Variants in ATPAF2 observed in about 807,000 individuals in gnomAD.
ATPAF2 encodes the protein ATP12 homolog.
Under a neutral mutation model 36.6 loss-of-function variants are expected in ATPAF2, and 30 were observed. The observed-to-expected ratio is 0.82, with a 90% CI of 0.61 to 1.11. ATPAF2 has a LOEUF of 1.11. ATPAF2 is among the 50% of genes most tolerant of loss of function. The pLI, the probability that ATPAF2 is intolerant of heterozygous loss-of-function variation, is 0.00. For missense variants in ATPAF2, 321 were observed against 372.3 expected, an observed-to-expected ratio of 0.86 and a Z score of 1.13; for synonymous variants, 140 against 152.6, an observed-to-expected ratio of 0.92 and a Z score of 0.61.
In ATPAF2 at chr17:18,028,383, A is replaced by C; in HGVS notation, c.179-6T>G. On this transcript the variant is annotated splice_polypyrimidine_tract_variant and splice_region_variant and intron_variant, in intron 2 of 7. Coordinates refer to ENST00000474627, the MANE Select transcript of ATPAF2 (RefSeq NM_145691.4). The stretch of plus-strand genomic sequence containing the variant: ...CAGGTTTATCTCAAAGCCACCTTGA[A>C]AGATCAAATGAAAAACTCTCAGGGA... 2 of 1,613,854 alleles carry C rather than the reference A, an allele frequency of 1.2e-6. No individual in the cohort carries two copies. Among genetic ancestry groups the C allele is most frequent in the Non-Finnish European group, 1.7e-6 (2 of 1,179,878 alleles).
Position 18,021,114 on chromosome 17 carries a change from G to C in ATPAF2, c.732+9C>G. 1 of 1,610,304 alleles carries C rather than the reference G, an allele frequency of 6.2e-7. No individual in the cohort carries two copies. The highest frequency in any genetic ancestry group is 8.5e-7 in the Non-Finnish European group (1 of 1,178,340). ...AGGGGGAGGCGGGACCTGAGGTGCT[G>C]CTCCTCACCTGGTACTCCTCCTCCA... is the stretch of plus-strand genomic sequence containing the variant. On this transcript the variant is annotated intron_variant, in intron 7 of 7. Transcript: ENST00000474627.
intron 4 of ATPAF2, chr17:18,026,034 AG>A: frequency 1.9e-6 from 1 of 527,456 alleles, no homozygotes; most frequent in Non-Finnish European, 3.4e-6. Flanking sequence ...CCTAGGCCTA[AG>A]GGGCCTGTGG....
downstream of ATPAF2, chr17:18,016,784 G>C: frequency 8.5e-6 from 5 of 589,104 alleles, 1 homozygote; most frequent in South Asian, 1.1e-4. Context: ...TCTCTCAACC[G>C]CGATCCCCAA....
At chr17:18,028,517 G>A in intron 2 of ATPAF2, 98 bp downstream of exon 2, 1 of 1,527,470 alleles carries the variant, frequency 6.5e-7, no homozygotes, top group Non-Finnish European at 9.0e-7. Flanking sequence ...AAAGCAGGAA[G>A]GATAATCGCA....
In ATPAF2 at chr17:18,038,760, T is replaced by A. The variant is rs916361415; in HGVS notation, c.133+121A>T. The A allele has an allele frequency of 2.1e-6, 3 of 1,409,396 alleles. No individual in the cohort carries two copies. In the Admixed American group the frequency reaches 5.9e-5, roughly 28 times the overall value. The allele number at this position is 1,409,396 out of a possible 1,614,324, so 87.3% of individuals were successfully genotyped here. On this transcript the variant is annotated intron_variant, in intron 1 of 7. Coordinates refer to ENST00000474627, the MANE Select transcript of ATPAF2 (RefSeq NM_145691.4). The stretch of plus-strand genomic sequence containing the variant: ...TTTCTCATCTGTAAAAAGACCTGAC[T>A]GGCCTGCATAACCTCATGAGCCTGA...
At chr17:18,021,546 C>T (rs532859125) in intron 6 of ATPAF2, 199 bp downstream of exon 6, 24 of 636,850 alleles carry the variant, frequency 3.8e-5, no homozygotes, top group East Asian at 2.2e-4. Context: ...CTTCTGCTGG[C>T]GAAGTCGAAG....
rs2044576954 is a variant in ATPAF2 at position 18,028,268 on chromosome 17, G to A, written c.288C>T (p.Ser96=). Residue 96 remains serine, a synonymous_variant, in exon 3 of 8, where the codon TCC becomes TCT. Transcript: ENST00000474627. The part of the protein sequence containing the change: ...LAIAVATEWD[S]QQDTIKYYTM... ...TGTAGTACTTGATGGTATCCTGCTG[G>A]GAATCCCACTCAGTAGCCACTGCAA... The A allele has an allele frequency of 3.1e-6, 5 of 1,614,144 alleles. No individual in the cohort carries two copies. In the African/African-American group the frequency reaches 5.3e-5, roughly 17 times the overall value.
downstream of ATPAF2, chr17:18,016,873 TAAAA>T (rs5819640): frequency 2.9e-3 from 865 of 301,552 alleles, no homozygotes; most frequent in South Asian, 1.0e-2. Context: ...CCCCTACTCA[TAAAA>T]AAAAAAAAAA....
At chr17:18,033,361 CAAAA>C (rs200896637) in intron 1 of ATPAF2, among the ~76,000 whole-genome samples, 4 of 64,490 alleles carry the variant, frequency 6.2e-5, no homozygotes, top group Admixed American at 1.8e-4. Flanking sequence ...GACTCTGTCT[CAAAA>C]AAAAAAAAAA....
chr17:18,016,144 A>AACAACCACTTTCT (rs2044354806), downstream of ATPAF2: 1 of 1,613,932 alleles, frequency 6.2e-7, no homozygotes, highest in Admixed American at 1.7e-5. Context: ...ACAATCGAGA[A>AACAACCACTTTCT]GATGAGCTGG....
At chr17:18,026,741 G>A (rs2044551572) in intron 3 of ATPAF2, 2 of 431,630 alleles carry the variant, frequency 4.6e-6, no homozygotes, top group Admixed American at 3.6e-5. Flanking sequence ...ACCTTTTGGA[G>A]TAGGTACTAT....
chr17:18,028,119 G>A (rs2044574154), intron 3 of ATPAF2, 113 bp downstream of exon 3: 1 of 1,299,046 alleles, frequency 7.7e-7, no homozygotes, highest in African/African-American at 1.5e-5. Flanking sequence ...ATCCCTGGGG[G>A]CCAGACAGGC....
rs139208415 is a variant in ATPAF2, at chr17:18,035,023, G to A, written c.133+3858C>T. Among the ~76,000 whole-genome samples the A allele has an allele frequency of 3.5e-3, 531 of 152,216 alleles. 2 individuals carry two copies. Among genetic ancestry groups the A allele is most frequent in the Middle Eastern group, 0.01 (3 of 294 alleles). ...AGGCCGAAGCAGGAGGATCACTTGA[G>A]GCCAGGAGTTTGAGGTCAGCCTGAG... On this transcript the variant is annotated intron_variant, in intron 1 of 7. Transcript: ENST00000474627.
chr17:18,019,822 C>G (rs1256760970), intron 7 of ATPAF2, among the ~76,000 whole-genome samples: 1 of 152,226 alleles, frequency 6.6e-6, no homozygotes, highest in Non-Finnish European at 1.5e-5. Context: ...TCCATACTTT[C>G]ATTGTATACC....
chr17:18,028,059 G>T, intron 3 of ATPAF2, 173 bp downstream of exon 3: 2 of 762,226 alleles, frequency 2.6e-6, no homozygotes, highest in South Asian at 2.9e-5. Context: ...GCAAGTAGCC[G>T]GGCCAGACAA....
At position 18,021,831 on chromosome 17, in the gene ATPAF2, G is replaced by T. The variant is rs753242638; in HGVS notation, c.530C>A (p.Thr177Asn). 6.2e-7 allele frequency: 1 copy of T among 1,614,196 alleles called. No individual in the cohort carries two copies. Among genetic ancestry groups the T allele is most frequent in the Non-Finnish European group, 8.5e-7 (1 of 1,180,028 alleles). ...AGGGATGCTGGGTCCCATTATGCTGGTGGAGGAGCTGATCTCCACGCCGTA... is the reference window on the plus strand; with the variant it reads ...AGGGATGCTGGGTCCCATTATGCTGTTGGAGGAGCTGATCTCCACGCCGTA... ...KRYGVEISSS[T>N]SIMGPSIPAK... Residue 177 changes from threonine to asparagine, a missense_variant, in exon 6 of 8, where the codon ACC becomes AAC. Physicochemically the swap from Thr to Asn is moderately conservative, Grantham distance 65 (BLOSUM62 0). Around this residue, in one of 3 missense-constraint regions of ATPAF2, gnomAD observed 199 missense variants for 220.6 expected, o/e 0.90. Coordinates refer to ENST00000474627, the MANE Select transcript of ATPAF2 (RefSeq NM_145691.4).
Position 18,021,860 on chromosome 17 carries a change from GA to G in ATPAF2, c.504-4del. The stretch of plus-strand genomic sequence containing the variant: ...AGGAGCTGATCTCCACGCCGTATCT[GA>G]AAGGAAAAGGGCTTCGGCATGTCTC... On this transcript the variant is annotated splice_region_variant and splice_polypyrimidine_tract_variant and intron_variant, in intron 5 of 7. Coordinates refer to ENST00000474627, the MANE Select transcript of ATPAF2 (RefSeq NM_145691.4). 1 of 1,613,340 alleles carries G rather than the reference GA, an allele frequency of 6.2e-7. No homozygotes were observed. The highest frequency in any genetic ancestry group is 8.5e-7 in the Non-Finnish European group (1 of 1,179,342).
intron 2 of ATPAF2, 60 bp downstream of exon 2, chr17:18,028,555 G>C: frequency 7.0e-7 from 1 of 1,432,870 alleles, no homozygotes; most frequent in Non-Finnish European, 9.5e-7. Flanking sequence ...GATGAAAAAT[G>C]TTCCCAACCA....
At chr17:18,037,141 C>A (rs1780434718) in intron 1 of ATPAF2, among the ~76,000 whole-genome samples, 1 of 152,138 alleles carries the variant, frequency 6.6e-6, no homozygotes, top group Non-Finnish European at 1.5e-5. Flanking sequence ...TTGGTGAACT[C>A]CTGAATGTGT....
Sources: allele counts gnomAD v4.1 joint callset (sites outside exome capture counted in the v4.1 genomes callset), GRCh38; gene constraint gnomAD v4.1.1; regional missense constraint gnomAD v4.1.1; transcripts MANE v1.5; gene names NCBI Gene and HGNC (gene_info 2026-07-23, HGNC 2026-07-21).